The following SHC3 variants were observed in gnomAD, a reference collection of about 807,000 sequenced individuals.
SHC3 encodes the protein SHC adaptor protein 3, also known as SHC-transforming protein 3.
In SHC3, 15 loss-of-function variants were observed where a neutral mutation model predicts 60.4. The observed-to-expected ratio is 0.25, with a 90% CI of 0.17 to 0.38. The LOEUF is 0.38. Ranked by LOEUF, SHC3 falls within the 10% of genes least tolerant of loss-of-function variation. The pLI, the probability that SHC3 is intolerant of heterozygous loss-of-function variation, is 1.00. For missense variants in SHC3, 677 were observed against 786.1 expected, an observed-to-expected ratio of 0.86 and a Z score of 1.66; for synonymous variants, 294 against 325.9, an observed-to-expected ratio of 0.90 and a Z score of 1.05.
chr9:89,132,606 C>T (rs1826263400), intron 1 of SHC3, among the ~76,000 whole-genome samples: 1 of 152,134 alleles, frequency 6.6e-6, no homozygotes, highest in African/African-American at 2.4e-5. Flanking sequence ...AATAATACCA[C>T]ACATCTACAA....
Position 89,178,414 on chromosome 9 carries a change from G to A in SHC3, c.47C>T (p.Thr16Ile), listed in dbSNP as rs1164075057. The A allele has an allele frequency of 2.0e-6, 3 of 1,534,950 alleles. No homozygotes were observed. The South Asian group carries it at 3.7e-5, about 19-fold the overall frequency. ...GCTGTGGAGAAGGTCATCGACCGAT[G>A]TCACCGAGTCATTCCTGAAGCGGTT... ...KYNRFRNDSV[T>I]SVDDLLHSLS... Residue 16 changes from threonine to isoleucine, a missense_variant, in exon 1 of 12, where the codon ACA (threonine) becomes ATA (isoleucine). Coordinates refer to ENST00000375835, the MANE Select transcript of SHC3 (RefSeq NM_016848.6). This position sits in a 1 kb window ranked among gnomAD's most constrained non-coding sequence, Gnocchi z 6.9.
intron 2 of SHC3, among the ~76,000 whole-genome samples, chr9:89,112,040 A>T (rs910450352): frequency 2.0e-5 from 3 of 152,202 alleles, no homozygotes; most frequent in African/African-American, 7.2e-5. Context: ...TTTTGATTCT[A>T]CTTGGTGGTG....
chr9:89,109,440 A>G, intron 2 of SHC3: 1 of 985,428 alleles, frequency 1.0e-6, no homozygotes, highest in African/African-American at 1.7e-5. Flanking sequence ...GTGCTCAGAG[A>G]CATGATGGAG....
chr9:89,129,486 T>C (rs563845065), intron 1 of SHC3, among the ~76,000 whole-genome samples: 35 of 151,856 alleles, frequency 2.3e-4, no homozygotes, highest in African/African-American at 8.2e-4. Flanking sequence ...TGAAGGAAAA[T>C]ATGTTAAGGG....
In SHC3 at chr9:89,046,828, A is replaced by T; in HGVS notation, c.1113+16T>A. 6.6e-7 allele frequency: 1 copy of T among 1,516,794 alleles called. No homozygotes were observed. The highest frequency in any genetic ancestry group is 8.8e-7 in the Non-Finnish European group (1 of 1,133,020). The allele number at this position is 1,516,794 out of a possible 1,614,324, so 94.0% of individuals were successfully genotyped here. On this transcript the variant is annotated intron_variant, in intron 8 of 11. Transcript: ENST00000375835. ...AGCCTCCATTCCTTATATAAGAAAAAAACTATAAGACTTACCTGGGCTGTG... is the reference window on the plus strand; with the variant it reads ...AGCCTCCATTCCTTATATAAGAAAATAACTATAAGACTTACCTGGGCTGTG...
chr9:89,162,373 T>C (rs929629385), intron 1 of SHC3, among the ~76,000 whole-genome samples: 1 of 152,106 alleles, frequency 6.6e-6, no homozygotes, highest in African/African-American at 2.4e-5. Flanking sequence ...CAAAACAGCA[T>C]GGTACTGGTG....
At chr9:89,177,499 G>A (rs973806030) in intron 1 of SHC3, among the ~76,000 whole-genome samples, 1 of 152,216 alleles carries the variant, frequency 6.6e-6, no homozygotes, top group Admixed American at 6.5e-5. Context: ...TGCTCTGCAA[G>A]GAGCTGGGAA....
At chr9:89,156,376 C>A (rs192461057) in intron 1 of SHC3, among the ~76,000 whole-genome samples, 9 of 152,206 alleles carry the variant, frequency 5.9e-5, no homozygotes, top group Admixed American at 2.6e-4. Context: ...TCAGGGAAGA[C>A]CCTGAACTGA....
chr9:89,153,466 G>C (rs925650922), intron 1 of SHC3, among the ~76,000 whole-genome samples: 5 of 152,188 alleles, frequency 3.3e-5, no homozygotes, highest in Non-Finnish European at 5.9e-5. Flanking sequence ...CTCTCACTCA[G>C]AGCATTTCAA....
intron 1 of SHC3, among the ~76,000 whole-genome samples, chr9:89,158,782 C>G (rs1413778466): frequency 6.6e-6 from 1 of 152,220 alleles, no homozygotes; most frequent in Non-Finnish European, 1.5e-5. Flanking sequence ...TTCAAATCAA[C>G]TGTAATAGGA....
chr9:89,015,060 G>A (rs1564073858), intron 11 of SHC3, among the ~76,000 whole-genome samples: 1 of 152,160 alleles, frequency 6.6e-6, no homozygotes, highest in Non-Finnish European at 1.5e-5. Flanking sequence ...GTAACCTGTT[G>A]GGCAAGTTCA....
chr9:89,110,443 T>C, intron 2 of SHC3: 1 of 985,164 alleles, frequency 1.0e-6, no homozygotes, highest in East Asian at 1.1e-4. Flanking sequence ...AAGTAAACCA[T>C]GGCAGTGGAG....
intron 1 of SHC3, among the ~76,000 whole-genome samples, chr9:89,126,530 A>T (rs1319938441): frequency 6.6e-6 from 1 of 152,158 alleles, no homozygotes; most frequent in Non-Finnish European, 1.5e-5. Context: ...GAAACTTGAG[A>T]GCTGATGGAA....
At chr9:89,051,308 C>A (rs949329472) in intron 7 of SHC3, among the ~76,000 whole-genome samples, 3 of 152,114 alleles carry the variant, frequency 2.0e-5, no homozygotes, top group African/African-American at 7.2e-5. Context: ...GACCAATATG[C>A]CCCATATTAC....
At chr9:89,038,568 C>T (rs1031010800) in intron 10 of SHC3, among the ~76,000 whole-genome samples, 11 of 152,288 alleles carry the variant, frequency 7.2e-5, no homozygotes, top group Admixed American at 2.6e-4. Context: ...GTCAAGCACA[C>T]CCTTTGTCTA....
intron 3 of SHC3, among the ~76,000 whole-genome samples, chr9:89,075,631 A>T (rs1299161933): frequency 1.3e-5 from 2 of 152,184 alleles, no homozygotes; most frequent in Non-Finnish European, 2.9e-5. Context: ...AGTCAAACTA[A>T]CTTAGAGGAA....
At chr9:89,077,708 T>C (rs1466797374) in intron 3 of SHC3, 132 bp downstream of exon 3, 2 of 1,066,840 alleles carry the variant, frequency 1.9e-6, no homozygotes, top group Non-Finnish European at 2.8e-6. Context: ...AAGCCCTTTC[T>C]GCTTTTAGAA....
intron 6 of SHC3, among the ~76,000 whole-genome samples, chr9:89,060,651 T>C (rs541036336): frequency 6.6e-6 from 1 of 152,050 alleles, no homozygotes; most frequent in South Asian, 2.1e-4. Flanking sequence ...CAGAAGGTCC[T>C]GTGGGTGTTG....
At chr9:89,113,991 C>T (rs1292111087) in intron 1 of SHC3, among the ~76,000 whole-genome samples, 1 of 152,158 alleles carries the variant, frequency 6.6e-6, no homozygotes, top group East Asian at 1.9e-4. Context: ...CCACCAGCAT[C>T]AAAGCCACAG....
Sources: allele counts gnomAD v4.1 joint callset (sites outside exome capture counted in the v4.1 genomes callset), GRCh38; gene constraint gnomAD v4.1.1; non-coding constraint Gnocchi (gnomAD v3.1); transcripts MANE v1.5; gene names NCBI Gene and HGNC (gene_info 2026-07-23, HGNC 2026-07-21).